Variants in GALNT17 observed in about 807,000 individuals in gnomAD.
GALNT17 encodes polypeptide N-acetylgalactosaminyltransferase 17.
A neutral mutation model predicts 63.7 loss-of-function variants in GALNT17; 29 were observed. The ratio of observed to expected loss-of-function variants is 0.46; its 90% confidence interval spans 0.34 to 0.62. GALNT17 has a LOEUF of 0.62. Ranked by LOEUF, GALNT17 falls within the 20% of genes least tolerant of loss-of-function variation. The probability of loss-of-function intolerance (pLI) is 0.01; values close to 1 mark genes in which losing one functional copy is unlikely to be tolerated. For missense variants in GALNT17, 603 were observed against 799.6 expected (o/e 0.75, Z 2.97); for synonymous variants, 305 against 318.3 (o/e 0.96, Z 0.45).
chr7:71,668,863 A>G (rs1182217162), intron 7 of GALNT17, among the ~76,000 whole-genome samples: 2 of 152,206 alleles, frequency 1.3e-5, no homozygotes, highest in African/African-American at 4.8e-5. Flanking sequence ...CATCATTACA[A>G]GCTTTGCAAT....
At chr7:71,229,666 G>A (rs1298332096) in intron 1 of GALNT17, among the ~76,000 whole-genome samples, 1 of 152,208 alleles carries the variant, frequency 6.6e-6, no homozygotes, top group African/African-American at 2.4e-5. Flanking sequence ...TTGAGCAAGG[G>A]TACAGGGTGG....
At chr7:71,153,422 C>T (rs1391853600) in intron 1 of GALNT17, among the ~76,000 whole-genome samples, 3 of 152,136 alleles carry the variant, frequency 2.0e-5, no homozygotes, top group Middle Eastern at 3.2e-3. Context: ...CAGTTTTCTG[C>T]CCTGTAAAAT....
chr7:71,283,766 T>A (rs1344668405), intron 1 of GALNT17, among the ~76,000 whole-genome samples: 2 of 152,164 alleles, frequency 1.3e-5, no homozygotes, highest in African/African-American at 4.8e-5. Flanking sequence ...AGTGTAGCTC[T>A]GTCACCCAGG....
At chr7:71,194,519 A>G (rs1381073248) in intron 1 of GALNT17, among the ~76,000 whole-genome samples, 1 of 152,090 alleles carries the variant, frequency 6.6e-6, no homozygotes, top group Non-Finnish European at 1.5e-5. Context: ...TTTTGGGAAG[A>G]TAACTTTATA....
intron 1 of GALNT17, among the ~76,000 whole-genome samples, chr7:71,244,647 G>A (rs1394476792): frequency 6.6e-6 from 1 of 152,104 alleles, no homozygotes; most frequent in East Asian, 1.9e-4. Flanking sequence ...GCAGAGACTG[G>A]GATCCCTCCC....
intron 6 of GALNT17, among the ~76,000 whole-genome samples, chr7:71,582,426 A>G (rs1181097514): frequency 6.6e-6 from 1 of 151,552 alleles, no homozygotes; most frequent in Admixed American, 6.6e-5. Flanking sequence ...TACAAAAAAA[A>G]AAAAAAATAG....
chr7:71,512,558 C>G (rs4717600), intron 5 of GALNT17, among the ~76,000 whole-genome samples: 150,644 of 152,328 alleles, frequency 0.99, 74,501 homozygotes, highest in East Asian at 1. Flanking sequence ...ATGTTCAAGA[C>G]GGCAACGTTG....
At chr7:71,150,217 T>C (rs1480351187) in intron 1 of GALNT17, among the ~76,000 whole-genome samples, 1 of 152,150 alleles carries the variant, frequency 6.6e-6, no homozygotes, top group African/African-American at 2.4e-5. Context: ...CATGTTTTTT[T>C]CTTATGGTAC....
At chr7:71,369,443 C>T (rs115946217) in intron 2 of GALNT17, among the ~76,000 whole-genome samples, 282 of 152,248 alleles carry the variant, frequency 1.9e-3, no homozygotes, top group African/African-American at 6.3e-3. Flanking sequence ...ATATGGCAGT[C>T]TCCAAGTTCG....
At chr7:71,603,315 T>C (rs1291426930) in intron 6 of GALNT17, among the ~76,000 whole-genome samples, 2 of 151,522 alleles carry the variant, frequency 1.3e-5, no homozygotes, top group African/African-American at 4.9e-5. Flanking sequence ...CACCAGGTAC[T>C]ATGCTAGTGC....
At chr7:71,226,493 C>CT (rs58446926) in intron 1 of GALNT17, among the ~76,000 whole-genome samples, 14,732 of 152,082 alleles carry the variant, frequency 0.097, 1,087 homozygotes, top group East Asian at 0.22. Context: ...GGTTGGCTTT[C>CT]TTTTTTCTTT....
At chr7:71,408,258 A>G (rs1211919063) in intron 3 of GALNT17, among the ~76,000 whole-genome samples, 1 of 151,874 alleles carries the variant, frequency 6.6e-6, no homozygotes, top group Non-Finnish European at 1.5e-5. Flanking sequence ...TTTTCATTCT[A>G]TTTTGTTTCT....
chr7:71,377,348 A>AAAAAAATTTC (rs11271368), intron 2 of GALNT17, among the ~76,000 whole-genome samples: 6 of 151,058 alleles, frequency 4.0e-5, no homozygotes, highest in African/African-American at 1.5e-4. Context: ...GTAGGTGAAT[A>AAAAAAATTTC]TTCGGAGAAT....
chr7:71,148,858 T>TATATATA lies in GALNT17; in HGVS notation c.238+15818_238+15819insATATATA, dbSNP rs1788075671. On this transcript the variant is annotated intron_variant, in intron 1 of 10. Transcript: ENST00000333538. ...ATGAAATACAGTAGTATTATGGTAT[T>TATATATA]TTTATATATATATATATATATATAT... 1.5e-4 allele frequency among the ~76,000 whole-genome samples: 14 copies of TATATATA among 91,910 alleles called. 1 individual carries two copies. Among genetic ancestry groups the TATATATA allele is most frequent in the African/African-American group, 6.7e-4 (13 of 19,512 alleles). The allele number at this position is 91,910 out of a possible 152,430, so 60.3% of individuals were successfully genotyped here. A position where few individuals can be genotyped will look rare whatever the true frequency, so the allele number is the denominator to read the frequency against.
At chr7:71,434,805 G>A (rs967756464) in intron 5 of GALNT17, among the ~76,000 whole-genome samples, 1 of 152,222 alleles carries the variant, frequency 6.6e-6, no homozygotes, top group African/African-American at 2.4e-5. Context: ...CTCTGGAGTT[G>A]TGGCATGGGC....
intron 5 of GALNT17, among the ~76,000 whole-genome samples, chr7:71,432,116 A>G (rs1786877727): frequency 1.3e-5 from 2 of 152,068 alleles, no homozygotes; most frequent in South Asian, 2.1e-4. Context: ...CGGAGGTTGC[A>G]GTGAGCCGAG....
chr7:71,143,407 CAAAAA>C (rs66560650), intron 1 of GALNT17, among the ~76,000 whole-genome samples: 1 of 116,992 alleles, frequency 8.5e-6, no homozygotes. Flanking sequence ...GAGACTGTCT[CAAAAA>C]AAAAAAAAAA....
chr7:71,345,542 C>T (rs756629488), intron 2 of GALNT17, among the ~76,000 whole-genome samples: 2 of 152,146 alleles, frequency 1.3e-5, no homozygotes, highest in Non-Finnish European at 2.9e-5. Context: ...TGTGGAGCAT[C>T]CTCATGTCAT....
At chr7:71,459,998 G>A (rs147402604) in intron 5 of GALNT17, among the ~76,000 whole-genome samples, 5 of 152,240 alleles carry the variant, frequency 3.3e-5, no homozygotes, top group Admixed American at 6.5e-5. Flanking sequence ...CCGCAGCTTC[G>A]AATTGTCCTG....
Sources: allele counts gnomAD v4.1 joint callset (sites outside exome capture counted in the v4.1 genomes callset), GRCh38; gene constraint gnomAD v4.1.1; transcripts MANE v1.5; gene names NCBI Gene and HGNC (gene_info 2026-07-23, HGNC 2026-07-21).